Variants in MYOM3 observed in about 807,000 individuals in gnomAD.
MYOM3 encodes myomesin 3, also known as myomesin-3.
A neutral mutation model predicts 191.7 loss-of-function variants in MYOM3; 155 were observed. That is an observed-to-expected ratio of 0.81 (90% CI 0.71 to 0.92). The LOEUF is 0.92. MYOM3 is among the 40% of genes least tolerant of loss of function. MYOM3 has a pLI of 0.00. For missense variants in MYOM3, 1,889 were observed against 1,890.6 expected (o/e 1.00, Z 0.02); for synonymous variants, 757 against 762.9 (o/e 0.99, Z 0.13).
rs372895262 is a variant in MYOM3, at chr1:24,074,182, T to C, written c.2946A>G (p.Ala982=). 8.1e-5 allele frequency: 130 copies of C among 1,613,802 alleles called. No individual in the cohort carries two copies. The highest frequency in any genetic ancestry group is 1.0e-4 in the Non-Finnish European group (119 of 1,179,884). ...IVTDADEDIS[A]SHTLTEEELE... ...TACCTTCCTCGGTTAGCGTGTGGCT[T>C]GCGGAGATGTCTTCATCGGCATCAG... is the stretch of plus-strand genomic sequence containing the variant. Residue 982 remains alanine, a synonymous_variant, in exon 23 of 37, where the codon GCA becomes GCG. Coordinates refer to ENST00000374434, the MANE Select transcript of MYOM3 (RefSeq NM_152372.4).
chr1:24,069,112 C>A lies in MYOM3; in HGVS notation c.3151-745G>T, dbSNP rs114088811. On this transcript the variant is annotated intron_variant, in intron 25 of 36. Coordinates refer to ENST00000374434, the MANE Select transcript of MYOM3 (RefSeq NM_152372.4). ...AAAAAAATACTCGTGTACTTGCTAC[C>A]CAGAATTAACACTCATTTACATTTT... Among the ~76,000 whole-genome samples, 1,250 of 152,266 alleles carry A rather than the reference C, an allele frequency of 8.2e-3. 13 individuals are homozygous for A. Among genetic ancestry groups the A allele is most frequent in the Non-Finnish European group, 0.014 (938 of 68,020 alleles).
intron 28 of MYOM3, 149 bp downstream of exon 28, chr1:24,066,872 C>T: frequency 4.3e-6 from 3 of 693,738 alleles, no homozygotes; most frequent in Non-Finnish European, 7.0e-6. Context: ...TACGTGTGGT[C>T]TCCTCGGGGG....
intron 7 of MYOM3, among the ~76,000 whole-genome samples, chr1:24,096,242 A>G (rs1174710758): frequency 6.6e-6 from 1 of 152,164 alleles, no homozygotes; most frequent in Admixed American, 6.6e-5. Flanking sequence ...CAGGATTGGA[A>G]CTCAGGGCTC....
In MYOM3 at chr1:24,078,137, T is replaced by C. The variant is rs182478678; in HGVS notation, c.2587-1864A>G. 1.6e-3 allele frequency among the ~76,000 whole-genome samples: 247 copies of C among 151,464 alleles called. 1 individual carries two copies. The highest frequency in any genetic ancestry group is 5.5e-3 in the African/African-American group (227 of 41,280). On this transcript the variant is annotated intron_variant, in intron 20 of 36. Coordinates refer to ENST00000374434, the MANE Select transcript of MYOM3 (RefSeq NM_152372.4). ...TATTTTTAGAGATTTTTTTTTTTTT[T>C]GAGGTGGAATCTTGCTCTGTGGCAG...
chr1:24,059,197 G>A (rs1643339008), intron 35 of MYOM3, among the ~76,000 whole-genome samples: 1 of 152,042 alleles, frequency 6.6e-6, no homozygotes, highest in Non-Finnish European at 1.5e-5. Context: ...GCAGCAGCAC[G>A]ATCTCAGCTC....
chr1:24,082,567 C>T (rs1391940001), intron 17 of MYOM3, 26 bp downstream of exon 17: 2 of 1,554,020 alleles, frequency 1.3e-6, no homozygotes, highest in Non-Finnish European at 1.7e-6. Flanking sequence ...GGGAGGTTTG[C>T]AGGCTGGACC....
intron 32 of MYOM3, 60 bp from the exon 33 acceptor site, chr1:24,062,169 T>G: frequency 6.3e-7 from 1 of 1,591,418 alleles, no homozygotes; most frequent in South Asian, 1.1e-5. Context: ...CAGATACCCG[T>G]GCCCCAAAAT....
chr1:24,062,409 G>A (rs1643382386), intron 32 of MYOM3, among the ~76,000 whole-genome samples: 1 of 152,156 alleles, frequency 6.6e-6, no homozygotes, highest in Admixed American at 6.5e-5. Flanking sequence ...AAACTCGCTG[G>A]GGGAGGAACC....
At chr1:24,076,111 A>G (rs1643595652) in intron 21 of MYOM3, 48 bp downstream of exon 21, 1 of 1,455,568 alleles carries the variant, frequency 6.9e-7, no homozygotes, top group Admixed American at 1.7e-5. Context: ...ACCCGTCCCC[A>G]GTGGCGTAGC....
chr1:24,097,174 G>T (rs957928915), intron 7 of MYOM3, among the ~76,000 whole-genome samples: 1 of 152,224 alleles, frequency 6.6e-6, no homozygotes, highest in African/African-American at 2.4e-5. Flanking sequence ...TGGGGGTCAG[G>T]TGGGGAGTTG....
At position 24,101,396 on chromosome 1, in the gene MYOM3, CG is replaced by C. The variant is rs151211826; in HGVS notation, c.561-1622del. Among the ~76,000 whole-genome samples the C allele has an allele frequency of 3.6e-3, 546 of 152,218 alleles. 5 individuals carry two copies. The highest frequency in any genetic ancestry group is 0.027 in the Middle Eastern group (8 of 294). Reference sequence around the variant, plus strand: ...TCCCAAATCAATGAAATCAGAATTTCGGGGGGGTTAGACCCTAGGATCAGTA... The same window carrying C: ...TCCCAAATCAATGAAATCAGAATTTCGGGGGGTTAGACCCTAGGATCAGTA... On this transcript the variant is annotated intron_variant, in intron 5 of 36. Coordinates refer to ENST00000374434, the MANE Select transcript of MYOM3 (RefSeq NM_152372.4).
intron 28 of MYOM3, 126 bp from the exon 29 acceptor site, chr1:24,066,127 C>T (rs1557601735): frequency 2.7e-6 from 2 of 745,500 alleles, no homozygotes; most frequent in Non-Finnish European, 5.0e-6. Context: ...CTCTGCTGGC[C>T]TCTGGACTCT....
chr1:24,077,125 C>A (rs1643611174), intron 20 of MYOM3, among the ~76,000 whole-genome samples: 1 of 152,162 alleles, frequency 6.6e-6, no homozygotes, highest in South Asian at 2.1e-4. Flanking sequence ...ACCTGGCCTC[C>A]CTAGTGTTTC....
Position 24,062,253 on chromosome 1 carries a change from A to G in MYOM3, c.3771-144T>C, listed in dbSNP as rs1643379255. 1.3e-5 allele frequency: 10 copies of G among 749,346 alleles called. No individual in the cohort carries two copies. In the South Asian group the frequency reaches 1.8e-4, roughly 13 times the overall value. 46.4% of individuals were successfully genotyped at this position (749,346 alleles called of 1,614,324 possible). A position where few individuals can be genotyped will look rare whatever the true frequency, so the allele number is the denominator to read the frequency against. On this transcript the variant is annotated intron_variant, in intron 32 of 36. Transcript: ENST00000374434. ...TGAGGCACCAGATAAATATCCATTC[A>G]CTTACTCATTGATTATTCAACCCTC...
At chr1:24,061,395 A>C in intron 33 of MYOM3, 86 bp from the exon 34 acceptor site, 1 of 1,346,458 alleles carries the variant, frequency 7.4e-7, no homozygotes, top group Non-Finnish European at 1.0e-6. Context: ...AGCAAAGCTT[A>C]TCCCTGACTG....
Position 24,084,644 on chromosome 1 carries a change from A to AAAAT in MYOM3, c.1799-9_1799-6dup, listed in dbSNP as rs1197051935. On this transcript the variant is annotated splice_polypyrimidine_tract_variant and splice_region_variant and intron_variant, in intron 15 of 36. Coordinates refer to ENST00000374434, the MANE Select transcript of MYOM3 (RefSeq NM_152372.4). ...GAGCTGGAGGAGGGAGGGTAGCTAA[A>AAAAT]AAATAGAAACATGGGCTGAATGAGA... 9 of 1,607,946 alleles carry AAAAT rather than the reference A, an allele frequency of 5.6e-6. No individual in the cohort carries two copies. Among genetic ancestry groups the AAAAT allele is most frequent in the Non-Finnish European group, 7.6e-6 (9 of 1,177,210 alleles).
chr1:24,104,748 C>A (rs1643968184), intron 5 of MYOM3, among the ~76,000 whole-genome samples: 1 of 152,184 alleles, frequency 6.6e-6, no homozygotes, highest in Non-Finnish European at 1.5e-5. Flanking sequence ...GGGGTCTCGC[C>A]AGCTGCCCAA....
At chr1:24,099,483 G>T (rs1643896353) in intron 6 of MYOM3, among the ~76,000 whole-genome samples, 197 bp downstream of exon 6, 1 of 133,028 alleles carries the variant, frequency 7.5e-6, no homozygotes, top group African/African-American at 2.8e-5. Context: ...CTCCATTCCA[G>T]ACCTGCTTAA....
At chr1:24,091,383 G>C (rs1186316426) in intron 11 of MYOM3, among the ~76,000 whole-genome samples, 4 of 152,182 alleles carry the variant, frequency 2.6e-5, no homozygotes, top group Non-Finnish European at 5.9e-5. Flanking sequence ...GGATTTACCT[G>C]AGCTTGTCCC....
Sources: allele counts gnomAD v4.1 joint callset (sites outside exome capture counted in the v4.1 genomes callset), GRCh38; gene constraint gnomAD v4.1.1; transcripts MANE v1.5; gene names NCBI Gene and HGNC (gene_info 2026-07-23, HGNC 2026-07-21).